KSR2: variants seen among roughly 807,000 people sequenced by gnomAD.
KSR2 encodes kinase suppressor of ras 2.
Under a neutral mutation model 107.8 loss-of-function variants are expected in KSR2, and 25 were observed. That is an observed-to-expected ratio of 0.23 (90% CI 0.17 to 0.32). The LOEUF (loss-of-function observed/expected upper bound fraction) is 0.32, where lower values mean the gene tolerates loss of function less well. Among genes scored for constraint, KSR2 ranks in the 10% least tolerant of loss-of-function variants. KSR2 has a pLI of 1.00. For missense variants in KSR2, 887 were observed against 1,268.9 expected, an observed-to-expected ratio of 0.70 and a Z score of 4.57; for synonymous variants, 480 against 507.0, an observed-to-expected ratio of 0.95 and a Z score of 0.71.
intron 3 of KSR2, among the ~76,000 whole-genome samples, chr12:117,821,898 C>T (rs539962): frequency 0.23 from 35,705 of 151,972 alleles, 4,431 homozygotes; most frequent in Admixed American, 0.3. Context: ...GAGGCTGAAA[C>T]CTACTGGGCT....
intron 3 of KSR2, among the ~76,000 whole-genome samples, chr12:117,814,430 G>T (rs973242105): frequency 2.0e-5 from 3 of 152,038 alleles, no homozygotes; most frequent in African/African-American, 7.2e-5. Flanking sequence ...GGAGGATGGG[G>T]GTGGGAGATG....
chr12:117,521,919 A>C (rs1874780037), intron 14 of KSR2, among the ~76,000 whole-genome samples: 1 of 152,236 alleles, frequency 6.6e-6, no homozygotes. Flanking sequence ...CTGAACAGAA[A>C]GAGGGATGCA....
At chr12:117,784,205 C>G (rs966109943) in intron 3 of KSR2, among the ~76,000 whole-genome samples, 1 of 152,110 alleles carries the variant, frequency 6.6e-6, no homozygotes. Context: ...GTCATAATCC[C>G]TACATGTCAA....
At chr12:117,894,729 A>ATCTCCCTCTCCCCCTTCCCGTCCCCC (rs1894454921) in intron 1 of KSR2, among the ~76,000 whole-genome samples, 1 of 35,648 alleles carries the variant, frequency 2.8e-5, no homozygotes, top group African/African-American at 1.2e-4. Flanking sequence ...TCCCGTCCCC[A>ATCTCCCTCTCCCCCTTCCCGTCCCCC]TCTCCCTCTC....
intron 4 of KSR2, among the ~76,000 whole-genome samples, chr12:117,721,364 T>C (rs1431465687): frequency 2.6e-5 from 4 of 152,212 alleles, no homozygotes; most frequent in African/African-American, 9.6e-5. Context: ...GGAAGGTCAT[T>C]TACTTCCATA....
chr12:117,566,843 T>C (rs1477246561), intron 7 of KSR2, among the ~76,000 whole-genome samples: 1 of 152,210 alleles, frequency 6.6e-6, no homozygotes, highest in East Asian at 1.9e-4. Context: ...CCATCTCTTG[T>C]GGCTTCAAGC....
chr12:117,482,293 C>G (rs912339267), intron 16 of KSR2, among the ~76,000 whole-genome samples: 5 of 152,044 alleles, frequency 3.3e-5, no homozygotes. Flanking sequence ...AACTTCACCC[C>G]CTCCCCGCCA....
intron 1 of KSR2, among the ~76,000 whole-genome samples, chr12:117,947,979 T>C (rs1896250376): frequency 6.6e-6 from 1 of 152,158 alleles, no homozygotes; most frequent in Admixed American, 6.6e-5. Context: ...AGATTTAATG[T>C]AGTGGCAATA....
intron 4 of KSR2, among the ~76,000 whole-genome samples, chr12:117,731,844 C>A (rs374721224): frequency 1.8e-4 from 26 of 145,624 alleles, no homozygotes; most frequent in East Asian, 1.0e-3. Flanking sequence ...CAGCATGCTC[C>A]TTAAGAGTCA....
chr12:117,719,686 G>T (rs982939382), intron 4 of KSR2, among the ~76,000 whole-genome samples: 2 of 152,198 alleles, frequency 1.3e-5, no homozygotes, highest in African/African-American at 4.8e-5. Flanking sequence ...AACCATTTGA[G>T]TTTCCTGACA....
intron 16 of KSR2, among the ~76,000 whole-genome samples, chr12:117,478,818 T>C (rs939605612): frequency 6.6e-6 from 1 of 152,208 alleles, no homozygotes; most frequent in African/African-American, 2.4e-5. Flanking sequence ...GGCCACCAAA[T>C]TGGACAACAC....
At chr12:117,956,497 G>A (rs192084597) in intron 1 of KSR2, among the ~76,000 whole-genome samples, 73 of 152,070 alleles carry the variant, frequency 4.8e-4, no homozygotes, top group Middle Eastern at 3.4e-3. Context: ...GAGCTCCGGA[G>A]GTCAAGGGTG....
chr12:117,935,558 C>G (rs1041105647), intron 1 of KSR2, among the ~76,000 whole-genome samples: 1 of 152,006 alleles, frequency 6.6e-6, no homozygotes, highest in African/African-American at 2.4e-5. Flanking sequence ...GTCAGGAGTT[C>G]GAGACCAGCC....
At chr12:117,853,945 G>C (rs10850910) in intron 3 of KSR2, among the ~76,000 whole-genome samples, 83,474 of 151,890 alleles carry the variant, frequency 0.55, 23,871 homozygotes, top group Middle Eastern at 0.7. Flanking sequence ...CAGAGGTCAA[G>C]GATGCTTCTA....
chr12:117,803,626 C>T (rs1225893840), intron 3 of KSR2, among the ~76,000 whole-genome samples: 2 of 152,084 alleles, frequency 1.3e-5, no homozygotes, highest in African/African-American at 4.8e-5. Flanking sequence ...TGGCATGAAC[C>T]CGGGAGGCGG....
intron 5 of KSR2, among the ~76,000 whole-genome samples, chr12:117,638,837 CACAAAA>C (rs1883226265): frequency 6.6e-6 from 1 of 152,110 alleles, no homozygotes; most frequent in Non-Finnish European, 1.5e-5. Context: ...AAACCTCCAG[CACAAAA>C]TTTAAGGGGA....
At position 117,740,292 on chromosome 12, in the gene KSR2, A is replaced by G. The variant is rs189831658; in HGVS notation, c.986+20719T>C. Among the ~76,000 whole-genome samples the G allele has an allele frequency of 1.2e-4, 17 of 144,802 alleles. No individual in the cohort carries two copies. In the East Asian group the frequency reaches 2.6e-3, roughly 22 times the overall value. The allele number at this position is 144,802 out of a possible 152,430, so 95.0% of individuals were successfully genotyped here. Reference sequence around the variant, plus strand: ...TTCTATGGCTGAGTAGTATTCCATCATACATATATATAATATATATATACA... The same window carrying G: ...TTCTATGGCTGAGTAGTATTCCATCGTACATATATATAATATATATATACA... On this transcript the variant is annotated intron_variant, in intron 4 of 19. Coordinates refer to ENST00000339824, the MANE Select transcript of KSR2 (RefSeq NM_173598.6).
At chr12:117,506,140 G>A (rs1007443046) in intron 14 of KSR2, among the ~76,000 whole-genome samples, 10 of 152,142 alleles carry the variant, frequency 6.6e-5, no homozygotes, top group Admixed American at 1.3e-4. Flanking sequence ...TTTTGATCAC[G>A]GGACACAGAT....
chr12:117,633,552 G>A (rs1359334468), intron 5 of KSR2, among the ~76,000 whole-genome samples: 1 of 152,142 alleles, frequency 6.6e-6, no homozygotes, highest in Non-Finnish European at 1.5e-5. Flanking sequence ...CTTTGTAGAG[G>A]CCCTAGGAAG....
Sources: gnomAD v4.1 joint callset for allele counts (sites outside exome capture counted in the v4.1 genomes callset) on GRCh38, gnomAD v4.1.1 for gene constraint, MANE v1.5 for transcripts, NCBI Gene and HGNC (gene_info 2026-07-23, HGNC 2026-07-21) for gene names.